Variants in ZNRF3 observed in about 807,000 individuals in gnomAD.
The protein encoded by ZNRF3 is E3 ubiquitin-protein ligase ZNRF3.
ZNRF3 carries 23 observed loss-of-function variants against 72.5 expected under a neutral mutation model. The observed-to-expected ratio is 0.32, with a 90% CI of 0.23 to 0.45. The LOEUF (loss-of-function observed/expected upper bound fraction) is 0.45. ZNRF3 is among the 20% of genes least tolerant of loss of function. ZNRF3 has a pLI of 1.00. For synonymous variants in ZNRF3, 610 were observed against 545.3 expected, an observed-to-expected ratio of 1.12 and a Z score of -1.65; for missense variants, 1,169 against 1,272.1, an observed-to-expected ratio of 0.92 and a Z score of 1.23.
At chr22:28,973,736 A>G (rs1021573477) in intron 1 of ZNRF3, among the ~76,000 whole-genome samples, 8 of 152,066 alleles carry the variant, frequency 5.3e-5, no homozygotes, top group Admixed American at 2.6e-4. Context: ...TTTTGTTTCT[A>G]TGTTTTTCCA....
intron 1 of ZNRF3, among the ~76,000 whole-genome samples, chr22:28,951,138 G>A (rs1355755182): frequency 6.6e-6 from 1 of 152,198 alleles, no homozygotes; most frequent in African/African-American, 2.4e-5. Flanking sequence ...AAGAGATACT[G>A]AAGAATGAAA....
intron 1 of ZNRF3, among the ~76,000 whole-genome samples, chr22:28,944,663 G>A (rs1246727355): frequency 1.3e-5 from 2 of 151,894 alleles, no homozygotes; most frequent in Non-Finnish European, 1.5e-5. Context: ...GCTGAGGAAG[G>A]AGAATCACTT....
chr22:29,010,765 G>C (rs2036334383), intron 2 of ZNRF3, among the ~76,000 whole-genome samples: 1 of 152,186 alleles, frequency 6.6e-6, no homozygotes, highest in Non-Finnish European at 1.5e-5. Context: ...CGCCTCCCAG[G>C]TTCAAGCAGT....
chr22:29,006,750 C>T (rs185556935), intron 2 of ZNRF3, among the ~76,000 whole-genome samples: 51 of 152,316 alleles, frequency 3.3e-4, no homozygotes, highest in Non-Finnish European at 2.9e-4. Context: ...ACTTGTAACT[C>T]ATGATTCTGG....
chr22:28,887,339 C>A (rs2033810757), intron 1 of ZNRF3, among the ~76,000 whole-genome samples: 1 of 150,556 alleles, frequency 6.6e-6, no homozygotes, highest in East Asian at 2.0e-4. Flanking sequence ...AACTAGAGTA[C>A]CTGTTCAGTC....
chr22:28,968,510 G>T (rs1037038241), intron 1 of ZNRF3, among the ~76,000 whole-genome samples: 1 of 152,146 alleles, frequency 6.6e-6, no homozygotes, highest in Non-Finnish European at 1.5e-5. Flanking sequence ...AGGAGTTCAA[G>T]ACCAGTCTGG....
chr22:29,050,222 T>C lies in ZNRF3; in HGVS notation c.2041T>C (p.Ser681Pro). The C allele has an allele frequency of 1.2e-6, 2 of 1,600,092 alleles. No individual in the cohort carries two copies. The highest frequency in any genetic ancestry group is 1.7e-6 in the Non-Finnish European group (2 of 1,179,798). ...CCTGGAGCACAGGGGGCCCAATAGC[T>C]CTACCTCAGAAGTGGGGCTCGAGGC... ...SSLEHRGPNS[S>P]TSEVGLEASP... Residue 681 changes from serine (S) to proline (P), a missense_variant, in exon 8 of 9, where the codon TCT becomes CCT. This residue lies in a region of ZNRF3 where 783 missense variants were observed against 731.4 expected (regional missense o/e 1.07). Coordinates refer to ENST00000544604, the MANE Select transcript of ZNRF3 (RefSeq NM_001206998.2).
intron 1 of ZNRF3, among the ~76,000 whole-genome samples, chr22:28,897,504 A>G (rs1206293023): frequency 1.3e-5 from 2 of 152,196 alleles, no homozygotes; most frequent in East Asian, 3.9e-4. Flanking sequence ...TATTTTTAGT[A>G]GAGACATGGT....
chr22:28,936,530 G>A (rs1037804284), intron 1 of ZNRF3, among the ~76,000 whole-genome samples: 2 of 152,116 alleles, frequency 1.3e-5, no homozygotes, highest in African/African-American at 4.8e-5. Context: ...AGAGCAGCAG[G>A]CTCCTGGGAG....
chr22:28,891,622 A>T (rs908460949), intron 1 of ZNRF3, among the ~76,000 whole-genome samples: 3 of 152,188 alleles, frequency 2.0e-5, no homozygotes, highest in African/African-American at 7.2e-5. Flanking sequence ...CTGAGGTTCA[A>T]ATCCTGGTCT....
At chr22:28,911,608 G>A (rs894573161) in intron 1 of ZNRF3, among the ~76,000 whole-genome samples, 6 of 152,174 alleles carry the variant, frequency 3.9e-5, no homozygotes, top group African/African-American at 1.4e-4. Context: ...CTTTCTACCC[G>A]TACACTTGAC....
rs1051452106 is a variant in ZNRF3 at position 28,977,572 on chromosome 22, C to T, written c.301-9504C>T. Among the ~76,000 whole-genome samples, 3 of 152,164 alleles carry T rather than the reference C, an allele frequency of 2.0e-5. 1 individual carries two copies. The highest frequency in any genetic ancestry group is 2.0e-4 in the Admixed American group (3 of 15,278). ...GATGTGAGACTCTGTACCACAGCGACACCCTACCCTGGCCGACAGTGGCAA... is the reference window on the plus strand; with the variant it reads ...GATGTGAGACTCTGTACCACAGCGATACCCTACCCTGGCCGACAGTGGCAA... On this transcript the variant is annotated intron_variant, in intron 1 of 8. Transcript: ENST00000544604.
chr22:28,935,921 TC>T (rs2034811036), intron 1 of ZNRF3, among the ~76,000 whole-genome samples: 1 of 152,156 alleles, frequency 6.6e-6, no homozygotes, highest in Admixed American at 6.5e-5. Context: ...TGCCTGTACT[TC>T]CCATCCATCA....
chr22:28,890,526 G>T (rs1319612724), intron 1 of ZNRF3, among the ~76,000 whole-genome samples: 1 of 152,080 alleles, frequency 6.6e-6, no homozygotes, highest in Non-Finnish European at 1.5e-5. Context: ...AAAGAAATCT[G>T]TGTGGGGTGT....
At chr22:28,931,481 T>TA (rs1200757828) in intron 1 of ZNRF3, among the ~76,000 whole-genome samples, 3 of 152,224 alleles carry the variant, frequency 2.0e-5, no homozygotes, top group African/African-American at 7.2e-5. Context: ...TGAAAGTATA[T>TA]AGCAGTTCTC....
chr22:28,943,895 CTTATGATG>C (rs1186077878), intron 1 of ZNRF3, among the ~76,000 whole-genome samples: 1 of 151,984 alleles, frequency 6.6e-6, no homozygotes, highest in East Asian at 1.9e-4. Flanking sequence ...GCATGGACAG[CTTATGATG>C]TTCCGTGTGT....
At chr22:28,961,106 C>T (rs2123803208) in intron 1 of ZNRF3, among the ~76,000 whole-genome samples, 1 of 152,254 alleles carries the variant, frequency 6.6e-6, no homozygotes, top group Middle Eastern at 3.4e-3. Context: ...AAGGTGCCAG[C>T]AGATTTGGTT....
At chr22:28,954,367 C>T (rs2035218434) in intron 1 of ZNRF3, among the ~76,000 whole-genome samples, 1 of 152,188 alleles carries the variant, frequency 6.6e-6, no homozygotes, top group South Asian at 2.1e-4. Context: ...TCTCTGGCAT[C>T]TCTTCTTAGA....
intron 1 of ZNRF3, among the ~76,000 whole-genome samples, chr22:28,943,273 GTTC>G (rs2123788815): frequency 6.6e-6 from 1 of 152,132 alleles, no homozygotes; most frequent in Non-Finnish European, 1.5e-5. Flanking sequence ...TACCTTTGTG[GTTC>G]TTCTGCAGCT....
Sources: gnomAD v4.1 joint callset for allele counts (sites outside exome capture counted in the v4.1 genomes callset) on GRCh38, gnomAD v4.1.1 for gene constraint, gnomAD v4.1.1 regional missense constraint, MANE v1.5 for transcripts, NCBI Gene and HGNC (gene_info 2026-07-23, HGNC 2026-07-21) for gene names.